PTGS2: variants seen among roughly 807,000 people sequenced by gnomAD.
The protein encoded by PTGS2 is prostaglandin G/H synthase 2.
PTGS2 carries 14 observed loss-of-function variants against 63.8 expected under a neutral mutation model. The observed-to-expected ratio is 0.22, with a 90% confidence interval of 0.14 to 0.34. PTGS2 has a LOEUF of 0.34. Ranked by LOEUF, PTGS2 falls within the 10% of genes least tolerant of loss-of-function variation. PTGS2 has a pLI of 1.00. For missense variants in PTGS2, 533 were observed against 738.5 expected (o/e 0.72, Z 3.23); for synonymous variants, 271 against 259.5 (o/e 1.04, Z -0.43).
At chr1:186,675,602 C>T (rs902819620) in intron 8 of PTGS2, 8 of 661,288 alleles carry the variant, frequency 1.2e-5, no homozygotes, top group East Asian at 2.9e-5. Context: ...TGCCTTTTTA[C>T]ATTTCAAAAA....
chr1:186,678,829 A>G (rs969346792), intron 3 of PTGS2, among the ~76,000 whole-genome samples: 1 of 152,152 alleles, frequency 6.6e-6, no homozygotes, highest in Non-Finnish European at 1.5e-5. Flanking sequence ...CCACAAACTG[A>G]CCAAACAGTA....
At position 186,680,257 on chromosome 1, in the gene PTGS2, G is replaced by C. The variant is rs755298351; in HGVS notation, c.34C>G (p.Leu12Val). The change falls in exon 1 of 10, where the codon CTG (leucine) becomes GTG (valine). Residue 12 changes from leucine (L) to valine (V), a missense_variant. Coordinates refer to ENST00000367468, the MANE Select transcript of PTGS2 (RefSeq NM_000963.4). Reference protein sequence around the residue: ...LARALLLCAVLALSHTANPCC... With the variant: ...LARALLLCAVVALSHTANPCC... ...TACTCACCTGTATGGCTGAGCGCCA[G>C]GACCGCGCACAGCAGCAGGGCGCGG... The C allele has an allele frequency of 1.3e-6, 2 of 1,547,690 alleles. No homozygotes were observed. The highest frequency in any genetic ancestry group is 2.0e-5 in the Admixed American group (1 of 50,832).
chr1:186,676,383 T>C, intron 7 of PTGS2, 84 bp downstream of exon 7: 1 of 1,530,728 alleles, frequency 6.5e-7, no homozygotes, highest in South Asian at 1.3e-5. Context: ...TACCACATCT[T>C]GTCATTTACT....
chr1:186,675,201 A>G (rs1665759273), intron 9 of PTGS2, 48 bp downstream of exon 9: 1 of 1,590,018 alleles, frequency 6.3e-7, no homozygotes, highest in Non-Finnish European at 8.5e-7. Context: ...AAACAACAAA[A>G]ACAAACAAAC....
intron 4 of PTGS2, among the ~76,000 whole-genome samples, 197 bp from the exon 5 acceptor site, chr1:186,678,027 C>T (rs1478310900): frequency 1.3e-5 from 2 of 152,126 alleles, no homozygotes; most frequent in African/African-American, 4.8e-5. Flanking sequence ...AGAATTATTT[C>T]ATTTCTAAAG....
chr1:186,679,797 A>C (rs1665844137), intron 1 of PTGS2, among the ~76,000 whole-genome samples: 1 of 152,196 alleles, frequency 6.6e-6, no homozygotes, highest in South Asian at 2.1e-4. Context: ...ATTCAAAGTA[A>C]AACAGCTTAC....
At chr1:186,677,481 C>CA (rs1293440198) in intron 5 of PTGS2, among the ~76,000 whole-genome samples, 168 bp downstream of exon 5, 1 of 151,964 alleles carries the variant, frequency 6.6e-6, no homozygotes, top group East Asian at 1.9e-4. Context: ...TTTACTAGAC[C>CA]AGTGAAGTAA....
In PTGS2 at chr1:186,678,116, T is replaced by TA; in HGVS notation, c.457+144dup. 5 of 835,494 alleles carry TA rather than the reference T, an allele frequency of 6.0e-6. No individual in the cohort carries two copies. The South Asian group carries it at 1.3e-4, about 22-fold the overall frequency. 51.8% of individuals were successfully genotyped at this position (835,494 alleles called of 1,614,324 possible). ...TAATAGTTTATATAGACTCATACTT[T>TA]AAAAAATACCCATAGATAACCATGC... On this transcript the variant is annotated intron_variant, in intron 4 of 9. Transcript: ENST00000367468.
At chr1:186,676,973 G>C in intron 5 of PTGS2, 57 bp from the exon 6 acceptor site, 18 of 1,245,644 alleles carry the variant, frequency 1.4e-5, no homozygotes, top group Non-Finnish European at 2.0e-5. Flanking sequence ...CTTATATAAA[G>C]TGTCTATCAT....
chr1:186,676,999 A>G (rs1008265601), intron 5 of PTGS2, 83 bp from the exon 6 acceptor site: 24 of 995,736 alleles, frequency 2.4e-5, no homozygotes, highest in Non-Finnish European at 3.5e-5. Context: ...TCATCATTAA[A>G]TAATTTGATC....
chr1:186,678,532 A>T, intron 3 of PTGS2, 128 bp from the exon 4 acceptor site: 1 of 857,464 alleles, frequency 1.2e-6, no homozygotes, highest in Non-Finnish European at 1.7e-6. Flanking sequence ...AAAAAAATCT[A>T]TTTTTAAACA....
At chr1:186,677,406 A>G (rs1164479410) in intron 5 of PTGS2, among the ~76,000 whole-genome samples, 1 of 152,050 alleles carries the variant, frequency 6.6e-6, no homozygotes, top group African/African-American at 2.4e-5. Flanking sequence ...AAATAACAAT[A>G]CCTGTACATA....
In PTGS2 at chr1:186,674,154, C is replaced by G; in HGVS notation, c.*199G>C. 1 of 293,562 alleles carries G rather than the reference C, an allele frequency of 3.4e-6. No individual in the cohort carries two copies. The highest frequency in any genetic ancestry group is 6.0e-6 in the Non-Finnish European group (1 of 166,476). The allele number at this position is 293,562 out of a possible 1,614,324, so 18.2% of individuals were successfully genotyped here. Reference sequence around the variant, plus strand: ...ATAAAACAGAATAAAAACTGTTTTCCAAACTTAACAGCAACAGCAAAATCT... The same window carrying G: ...ATAAAACAGAATAAAAACTGTTTTCGAAACTTAACAGCAACAGCAAAATCT... On this transcript the variant is annotated 3_prime_UTR_variant, in exon 10 of 10. Coordinates refer to ENST00000367468, the MANE Select transcript of PTGS2 (RefSeq NM_000963.4).
intron 6 of PTGS2, 38 bp downstream of exon 6, chr1:186,676,794 GC>G: frequency 6.2e-7 from 1 of 1,601,868 alleles, no homozygotes; most frequent in Non-Finnish European, 8.5e-7. Flanking sequence ...ATGGGTATAA[GC>G]GGTAATAACT....
rs1396106343 is a variant in PTGS2, at chr1:186,673,594, G to C, written c.*759C>G. ...ATAAATTTGGCATTTTGATTTAAAA[G>C]GAAGTTTTAACAGTCACACTAAAAA... On this transcript the variant is annotated 3_prime_UTR_variant, in exon 10 of 10. Coordinates refer to ENST00000367468, the MANE Select transcript of PTGS2 (RefSeq NM_000963.4). 6.6e-6 allele frequency: 1 copy of C among 152,124 alleles called. No homozygotes were observed. The highest frequency in any genetic ancestry group is 1.5e-5 in the Non-Finnish European group (1 of 68,004). 9.4% of individuals were successfully genotyped at this position (152,124 alleles called of 1,614,324 possible).
In PTGS2 at chr1:186,680,322, A is replaced by G; in HGVS notation, c.-32T>C. On this transcript the variant is annotated 5_prime_UTR_variant, in exon 1 of 10. Transcript: ENST00000367468. ...GGCGGGCAGGGCGCGGCGCGGGGGT[A>G]GGCTTTGCTGTCTGAGGGCGTCTGG... 2 of 1,518,066 alleles carry G rather than the reference A, an allele frequency of 1.3e-6. No individual in the cohort carries two copies. Among genetic ancestry groups the G allele is most frequent in the South Asian group, 2.5e-5 (2 of 81,102 alleles). The allele number at this position is 1,518,066 out of a possible 1,614,324, so 94.0% of individuals were successfully genotyped here.
rs1665760235 is a variant in PTGS2 at position 186,675,240 on chromosome 1, G to A, written c.1405+9C>T. On this transcript the variant is annotated intron_variant, in intron 9 of 9. Coordinates refer to ENST00000367468, the MANE Select transcript of PTGS2 (RefSeq NM_000963.4). Reference sequence around the variant, plus strand: ...CAAAAAACGAAGAAGTTTAGAAACTGTTTCTTACCTGTAAGTTCTTCAAAT... The same window carrying A: ...CAAAAAACGAAGAAGTTTAGAAACTATTTCTTACCTGTAAGTTCTTCAAAT... 1 of 1,607,024 alleles carries A rather than the reference G, an allele frequency of 6.2e-7. No homozygotes were observed. The highest frequency in any genetic ancestry group is 1.7e-5 in the Admixed American group (1 of 57,496).
At position 186,679,317 on chromosome 1, in the gene PTGS2, C is replaced by T; in HGVS notation, c.169+5G>A. 1 of 1,614,040 alleles carries T rather than the reference C, an allele frequency of 6.2e-7. No homozygotes were observed. Among genetic ancestry groups the T allele is most frequent in the Non-Finnish European group, 8.5e-7 (1 of 1,179,936 alleles). ...CCTAATGAGGCAACCAAAGGACAAA[C>T]TTACGTGTTGAGCAGTTTTCTCCAT... On this transcript the variant is annotated splice_donor_5th_base_variant and intron_variant, in intron 2 of 9. Coordinates refer to ENST00000367468, the MANE Select transcript of PTGS2 (RefSeq NM_000963.4).
intron 3 of PTGS2, among the ~76,000 whole-genome samples, chr1:186,678,807 A>G (rs1014531880): frequency 6.6e-6 from 1 of 152,150 alleles, no homozygotes; most frequent in Non-Finnish European, 1.5e-5. Flanking sequence ...AAACAGCTGG[A>G]CCATGCTACC....
Sources: allele counts gnomAD v4.1 joint callset (sites outside exome capture counted in the v4.1 genomes callset), GRCh38; gene constraint gnomAD v4.1.1; transcripts MANE v1.5; gene names NCBI Gene and HGNC (gene_info 2026-07-23, HGNC 2026-07-21).